Variants in PCDH11X observed in about 807,000 individuals in gnomAD.
PCDH11X encodes the protein protocadherin 11 X-linked.
Under a neutral mutation model 53.3 loss-of-function variants are expected in PCDH11X, and 18 were observed. The observed-to-expected ratio is 0.34, with a 90% CI of 0.23 to 0.50. The LOEUF (loss-of-function observed/expected upper bound fraction) is 0.50, where lower values mean the gene tolerates loss of function less well. Among genes scored for constraint, PCDH11X ranks in the 20% least tolerant of loss-of-function variants. The probability of loss-of-function intolerance (pLI) is 0.98; values close to 1 mark genes in which losing one functional copy is unlikely to be tolerated. For missense variants in PCDH11X, 570 were observed against 1,032.4 expected, an observed-to-expected ratio of 0.55 and a Z score of 6.14; for synonymous variants, 279 against 393.3, an observed-to-expected ratio of 0.71 and a Z score of 3.44.
intron 8 of PCDH11X, among the ~76,000 whole-genome samples, chrX:92,282,777 C>T (rs1013776522): frequency 1.8e-5 from 2 of 110,983 alleles, no homozygotes; most frequent in Non-Finnish European, 1.9e-5. Context: ...ATATTAGTTC[C>T]AGTATTTCTG....
intron 9 of PCDH11X, among the ~76,000 whole-genome samples, chrX:92,431,409 G>T (rs143164654): frequency 1.8e-5 from 2 of 110,301 alleles, no homozygotes; most frequent in Non-Finnish European, 3.8e-5. Context: ...TTACAAAATT[G>T]CACTGGAGTT....
At chrX:92,037,970 G>A (rs2063153701) in intron 6 of PCDH11X, among the ~76,000 whole-genome samples, 1 of 107,007 alleles carries the variant, frequency 9.3e-6, no homozygotes, top group Admixed American at 1.0e-4. Flanking sequence ...TGTCAGATGG[G>A]TAGATTGCAA....
intron 7 of PCDH11X, among the ~76,000 whole-genome samples, chrX:92,241,379 G>A (rs770412641): frequency 3.6e-5 from 4 of 111,793 alleles, no homozygotes; most frequent in African/African-American, 6.5e-5. Context: ...GGTGTGCAAC[G>A]ACTTATGAAA....
At chrX:91,983,370 A>C (rs1300225513) in intron 6 of PCDH11X, 5 of 1,109,964 alleles carry the variant, frequency 4.5e-6, no homozygotes, top group Non-Finnish European at 6.2e-6. Flanking sequence ...GTATTGGCTG[A>C]GCCTGAGCTT....
chrX:91,983,003 G>A, intron 6 of PCDH11X: 5 of 1,182,477 alleles, frequency 4.2e-6, no homozygotes, highest in South Asian at 1.8e-5. Flanking sequence ...CTGCAAAGTT[G>A]CTCTGGGTCA....
At chrX:91,967,241 A>G (rs1163845816) in intron 6 of PCDH11X, among the ~76,000 whole-genome samples, 1 of 109,938 alleles carries the variant, frequency 9.1e-6, no homozygotes, top group African/African-American at 3.3e-5. Context: ...AGGCTGTATG[A>G]CTGAGAATGC....
chrX:92,210,185 A>ATGCAAATT (rs985247629), intron 7 of PCDH11X, among the ~76,000 whole-genome samples: 8 of 103,239 alleles, frequency 7.7e-5, no homozygotes, highest in Non-Finnish European at 1.4e-4. Context: ...CTCTTTACAT[A>ATGCAAATT]TGCAAATTTG....
intron 6 of PCDH11X, among the ~76,000 whole-genome samples, chrX:92,103,455 C>G (rs887853178): frequency 2.9e-4 from 32 of 111,085 alleles, no homozygotes; most frequent in Non-Finnish European, 4.9e-4. Context: ...ACCTAAAGCT[C>G]GGCGTCCGTG....
intron 5 of PCDH11X, among the ~76,000 whole-genome samples, chrX:91,841,915 G>C (rs1485236143): frequency 2.1e-5 from 2 of 93,667 alleles, no homozygotes; most frequent in Admixed American, 2.5e-4. Flanking sequence ...ATGACACCTT[G>C]TATGAGAAGT....
At chrX:92,011,879 C>T (rs1307808336) in intron 6 of PCDH11X, among the ~76,000 whole-genome samples, 3 of 109,965 alleles carry the variant, frequency 2.7e-5, no homozygotes, top group Non-Finnish European at 5.7e-5. Context: ...AGTGACTTGC[C>T]AAAAATCCAA....
intron 6 of PCDH11X, among the ~76,000 whole-genome samples, chrX:91,985,196 G>A (rs536892080): frequency 1.8e-5 from 2 of 112,231 alleles, no homozygotes; most frequent in African/African-American, 6.5e-5. Context: ...AATCTACTAG[G>A]TTTTACATGC....
chrX:92,596,812 C>CA (rs1925660866), intron 10 of PCDH11X, among the ~76,000 whole-genome samples: 1 of 109,362 alleles, frequency 9.1e-6, no homozygotes, highest in Non-Finnish European at 1.9e-5. Context: ...AAAACCTTAA[C>CA]AAAAAATTAG....
chrX:92,106,566 T>C (rs2064388885), intron 6 of PCDH11X, among the ~76,000 whole-genome samples: 1 of 111,950 alleles, frequency 8.9e-6, no homozygotes. Flanking sequence ...GTTTTTGATA[T>C]CTACTATTTG....
chrX:92,326,637 T>A (rs181111632), intron 8 of PCDH11X, among the ~76,000 whole-genome samples: 1 of 50,062 alleles, frequency 2.0e-5, no homozygotes, highest in Non-Finnish European at 3.1e-5. Context: ...TATATATATA[T>A]ATAGAGAGAG....
chrX:91,811,394 GC>G, intron 4 of PCDH11X, 99 bp downstream of exon 4: 1 of 746,244 alleles, frequency 1.3e-6, no homozygotes, highest in Non-Finnish European at 1.9e-6. Flanking sequence ...CATGTTTGAA[GC>G]TTTCATTTTC....
intron 10 of PCDH11X, among the ~76,000 whole-genome samples, chrX:92,528,302 A>C (rs1569500729): frequency 8.9e-6 from 1 of 111,778 alleles, no homozygotes; most frequent in Non-Finnish European, 1.9e-5. Flanking sequence ...TTATTTATTT[A>C]TTTTTTTGAG....
chrX:92,538,027 T>G (rs1277745726), intron 10 of PCDH11X, among the ~76,000 whole-genome samples: 9 of 94,724 alleles, frequency 9.5e-5, no homozygotes, highest in Non-Finnish European at 1.9e-4. Context: ...AATATTTGCT[T>G]TATATATATA....
intron 10 of PCDH11X, among the ~76,000 whole-genome samples, chrX:92,538,300 G>A (rs1305519939): frequency 1.0e-5 from 1 of 100,445 alleles, no homozygotes; most frequent in Non-Finnish European, 2.0e-5. Flanking sequence ...AGATCACTGG[G>A]TCTTGTGTTT....
rs150487286 is a variant in PCDH11X at position 92,613,598 on chromosome X, T to C, written c.3368-4666T>C. On this transcript the variant is annotated intron_variant, in intron 10 of 10. Transcript: ENST00000682573. ...GTGTGTGTGTGTTAACCCTGGACAG[T>C]CTTGTGACCATATGCTTTGGTGATA... Among the ~76,000 whole-genome samples, 390 of 106,340 alleles carry C rather than the reference T, an allele frequency of 3.7e-3. 18 individuals are homozygous for C. In the East Asian group the frequency reaches 0.11, roughly 29 times the overall value. The allele number at this position is 106,340 out of a possible 115,157, so 92.3% of individuals were successfully genotyped here.
Sources: allele counts gnomAD v4.1 joint callset (sites outside exome capture counted in the v4.1 genomes callset), GRCh38; gene constraint gnomAD v4.1.1; transcripts MANE v1.5; gene names NCBI Gene and HGNC (gene_info 2026-07-23, HGNC 2026-07-21).